The following FGF17 variants were observed in gnomAD, a reference collection of about 807,000 sequenced individuals.
FGF17 encodes the protein fibroblast growth factor 17.
A neutral mutation model predicts 23.5 loss-of-function variants in FGF17; 5 were observed. That is an observed-to-expected ratio of 0.21 (90% CI 0.11 to 0.45). FGF17 has a LOEUF of 0.45. Ranked by LOEUF, FGF17 falls within the 20% of genes least tolerant of loss-of-function variation. The pLI, the probability that FGF17 is intolerant of heterozygous loss-of-function variation, is 0.99. For synonymous variants in FGF17, 136 were observed against 123.0 expected (o/e 1.11, Z -0.70); for missense variants, 221 against 306.9 (o/e 0.72, Z 2.09).
intron 2 of FGF17, chr8:22,045,576 C>T: frequency 2.0e-6 from 2 of 1,001,536 alleles, no homozygotes; most frequent in Non-Finnish European, 2.4e-6. Flanking sequence ...GAGTCCCCCA[C>T]ATGCTCTCTG....
At chr8:22,046,875 G>A (rs1800881492) in intron 4 of FGF17, among the ~76,000 whole-genome samples, 1 of 151,924 alleles carries the variant, frequency 6.6e-6, no homozygotes, top group Non-Finnish European at 1.5e-5. Context: ...TGTACTCCTG[G>A]GCTCAAGCAA....
chr8:22,040,611 A>C (rs925732863), upstream of FGF17, among the ~76,000 whole-genome samples: 1 of 152,242 alleles, frequency 6.6e-6, no homozygotes, highest in African/African-American at 2.4e-5. Flanking sequence ...GGGCTGGGCC[A>C]GTGATGGCAG....
intron 2 of FGF17, chr8:22,045,367 T>A: frequency 1.0e-6 from 1 of 987,826 alleles, no homozygotes; most frequent in Non-Finnish European, 1.2e-6. Flanking sequence ...CTCCCTCCGC[T>A]AAGGAGGCAC....
At chr8:22,044,560 G>A (rs1054858163) in intron 2 of FGF17, 9 of 424,154 alleles carry the variant, frequency 2.1e-5, no homozygotes, top group Non-Finnish European at 2.5e-5. Context: ...GGCCAAGAGG[G>A]GCGGAGGGCC....
At chr8:22,042,436 C>T (rs1400422057), upstream of FGF17, 2 of 185,974 alleles carry the variant, frequency 1.1e-5, no homozygotes, top group African/African-American at 4.7e-5. Flanking sequence ...TGCGGCTCAC[C>T]CTTGGGGAGG....
upstream of FGF17, among the ~76,000 whole-genome samples, chr8:22,041,951 G>A (rs1563362133): frequency 6.6e-6 from 1 of 152,220 alleles, no homozygotes; most frequent in Non-Finnish European, 1.5e-5. Flanking sequence ...AGCTCAGAGA[G>A]GCTCTAGGGA....
chr8:22,044,780 G>A, intron 2 of FGF17: 1 of 985,526 alleles, frequency 1.0e-6, no homozygotes, highest in African/African-American at 1.7e-5. Flanking sequence ...ACCCCGCGCA[G>A]GTTAAATGTC....
Position 22,046,248 on chromosome 8 carries a change from C to T in FGF17, c.207C>T (p.Thr69=), listed in dbSNP as rs781588977. ...CCAGTGGCAAGCACGTGCAGGTCAC[C>T]GGGCGTCGCATCTCCGCCACCGCCG... is the stretch of plus-strand genomic sequence containing the variant. The part of the protein sequence containing the change: ...SRTSGKHVQV[T]GRRISATAED... The change falls in exon 3 of 5, where the codon ACC becomes ACT. Residue 69 remains threonine (T), a synonymous_variant. Coordinates refer to ENST00000359441, the MANE Select transcript of FGF17 (RefSeq NM_003867.4). 2.2e-5 allele frequency: 36 copies of T among 1,613,732 alleles called. No homozygotes were observed. The highest frequency in any genetic ancestry group is 3.3e-4 in the Middle Eastern group (2 of 6,084).
In FGF17 at chr8:22,045,203, G is replaced by T. The variant is rs1327989408; in HGVS notation, c.73-911G>T. 8.1e-6 allele frequency: 8 copies of T among 985,416 alleles called. No individual in the cohort carries two copies. The East Asian group carries it at 9.1e-4, about 112-fold the overall frequency. The allele number at this position is 985,416 out of a possible 1,614,324, so 61.0% of individuals were successfully genotyped here. On this transcript the variant is annotated intron_variant, in intron 2 of 4. Coordinates refer to ENST00000359441, the MANE Select transcript of FGF17 (RefSeq NM_003867.4). ...TTTGCACAGTGCGTGGGGGGAAATGGTTCCTCTCCCCCAACCCAAAGGGGA... is the reference window on the plus strand; with the variant it reads ...TTTGCACAGTGCGTGGGGGGAAATGTTTCCTCTCCCCCAACCCAAAGGGGA...
chr8:22,045,960 G>A, intron 2 of FGF17, 154 bp from the exon 3 acceptor site: 3 of 1,544,538 alleles, frequency 1.9e-6, no homozygotes, highest in Admixed American at 2.0e-5. Context: ...TCACCCAGGG[G>A]CCTGGGAAGG....
rs528197563 is a variant in FGF17, at chr8:22,043,059, G to A, written c.36-86G>A. The A allele has an allele frequency of 6.6e-5, 106 of 1,600,782 alleles. 2 individuals carry two copies. In the South Asian group the frequency reaches 1.1e-3, roughly 16 times the overall value. ...GGACTCCCACGCGTGCGTGCACGGG[G>A]CTGGCAGGGCGGGGGCGGGGGCCTG... On this transcript the variant is annotated intron_variant, in intron 1 of 4. Coordinates refer to ENST00000359441, the MANE Select transcript of FGF17 (RefSeq NM_003867.4).
rs200854288 is a variant in FGF17 at position 22,046,107 on chromosome 8, C to T, written c.73-7C>T. 95 of 1,613,978 alleles carry T rather than the reference C, an allele frequency of 5.9e-5. No homozygotes were observed. Among genetic ancestry groups the T allele is most frequent in the Non-Finnish European group, 7.3e-5 (86 of 1,180,044 alleles). On this transcript the variant is annotated splice_polypyrimidine_tract_variant and splice_region_variant and intron_variant, in intron 2 of 4. Transcript: ENST00000359441. ...TTGACACTATTTTTCCCTTGGTAAC[C>T]GCAAAGGGGGAGAATCACCCGTCTC...
At chr8:22,042,667 G>GC (rs1035768834), upstream of FGF17, 2 of 598,332 alleles carry the variant, frequency 3.3e-6, no homozygotes, top group Non-Finnish European at 6.0e-6. Context: ...CAGCGCGCAC[G>GC]CCCCCACCCG....
chr8:22,045,712 C>G, intron 2 of FGF17: 1 of 1,118,320 alleles, frequency 8.9e-7, no homozygotes, highest in Non-Finnish European at 1.1e-6. Context: ...CCTTGGAGTT[C>G]TGGGGGAGAT....
chr8:22,048,015 G>A lies in FGF17; in HGVS notation c.417G>A (p.Thr139=). Residue 139 remains threonine, a synonymous_variant, in exon 5 of 5, where the codon ACG becomes ACA. Transcript: ENST00000359441. The surrounding 1 kb of genome is among the most constrained non-coding windows in gnomAD (Gnocchi z 6.9). ...FTEIVLENNY[T]AFQNARHEGW... is the part of the protein sequence containing the mutation. ...AGATCGTGCTGGAGAACAACTATACGGCCTTCCAGAACGCCCGGCACGAGG... is the reference window on the plus strand; with the variant it reads ...AGATCGTGCTGGAGAACAACTATACAGCCTTCCAGAACGCCCGGCACGAGG... 1.2e-6 allele frequency: 2 copies of A among 1,613,148 alleles called. No individual in the cohort carries two copies. Among genetic ancestry groups the A allele is most frequent in the South Asian group, 2.2e-5 (2 of 91,036 alleles).
chr8:22,045,272 G>A lies in FGF17; in HGVS notation c.73-842G>A, dbSNP rs1800840803. ...TCCCACCAACTGGCCAGGAGCCTCT[G>A]TTACATTGTGGCTAAGGAGCTGCCT... On this transcript the variant is annotated intron_variant, in intron 2 of 4. Coordinates refer to ENST00000359441, the MANE Select transcript of FGF17 (RefSeq NM_003867.4). The A allele has an allele frequency of 8.1e-6, 8 of 985,754 alleles. 1 individual carries two copies. In the South Asian group the frequency reaches 2.3e-4, roughly 29 times the overall value. 61.1% of individuals were successfully genotyped at this position (985,754 alleles called of 1,614,324 possible). A position where few individuals can be genotyped will look rare whatever the true frequency, so the allele number is the denominator to read the frequency against.
chr8:22,042,757 T>A, upstream of FGF17: 102 of 464,936 alleles, frequency 2.2e-4, no homozygotes, highest in Middle Eastern at 4.9e-4. Flanking sequence ...CTCCTCCCCC[T>A]CCTCCTCCCT....
intron 2 of FGF17, chr8:22,045,402 GCCCAGCCCCAGC>G (rs1245182456): frequency 1.9e-5 from 19 of 989,830 alleles, no homozygotes; most frequent in South Asian, 4.5e-5. Flanking sequence ...GTCCCATAGT[GCCCAGCCCCAGC>G]CCCAGCCCCA....
Position 22,048,510 on chromosome 8 carries a change from C to T in FGF17, c.*261C>T, listed in dbSNP as rs935124693. ...CTGATCTCAGGCCACCAGCCTCTGC[C>T]GGCCTCCCAGCCGGGCTCCTGAAGC... On this transcript the variant is annotated 3_prime_UTR_variant, in exon 5 of 5. Transcript: ENST00000359441. The surrounding 1 kb of genome is among the most constrained non-coding windows in gnomAD (Gnocchi z 6.9). 2 of 495,678 alleles carry T rather than the reference C, an allele frequency of 4.0e-6. No individual in the cohort carries two copies. Among genetic ancestry groups the T allele is most frequent in the African/African-American group, 3.9e-5 (2 of 51,076 alleles). 30.7% of individuals were successfully genotyped at this position (495,678 alleles called of 1,614,324 possible).
Sources: allele counts gnomAD v4.1 joint callset (sites outside exome capture counted in the v4.1 genomes callset), GRCh38; gene constraint gnomAD v4.1.1; non-coding constraint Gnocchi (gnomAD v3.1); transcripts MANE v1.5; gene names NCBI Gene and HGNC (gene_info 2026-07-23, HGNC 2026-07-21).